Variants in DPY19L2 observed in about 807,000 individuals in gnomAD.
The protein encoded by DPY19L2 is probable C-mannosyltransferase DPY19L2.
In DPY19L2, 34 loss-of-function variants were observed where a neutral mutation model predicts 97.9. That is an observed-to-expected ratio of 0.35 (90% CI 0.26 to 0.46). DPY19L2 has a LOEUF of 0.46. Ranked by LOEUF, DPY19L2 falls within the 20% of genes least tolerant of loss-of-function variation. DPY19L2 has a pLI of 1.00. For missense variants in DPY19L2, 623 were observed against 911.4 expected, an observed-to-expected ratio of 0.68 and a Z score of 4.07; for synonymous variants, 230 against 307.9, an observed-to-expected ratio of 0.75 and a Z score of 2.65.
rs1876035200 is a variant in DPY19L2 at position 63,559,096 on chromosome 12, CTT to C, written c.*1414_*1415del. 6.6e-6 allele frequency: 1 copy of C among 152,130 alleles called. No homozygotes were observed. The highest frequency in any genetic ancestry group is 2.4e-5 in the African/African-American group (1 of 41,418). 9.4% of individuals were successfully genotyped at this position (152,130 alleles called of 1,614,324 possible). On this transcript the variant is annotated 3_prime_UTR_variant, in exon 22 of 22. Coordinates refer to ENST00000324472, the MANE Select transcript of DPY19L2 (RefSeq NM_173812.5). Reference sequence around the variant, plus strand: ...TTTATGAATGTTAGGTGTTATGTCTCTTTTCTTTGACGCTCTCCTTTTTTATC... The same window carrying C: ...TTTATGAATGTTAGGTGTTATGTCTCTTCTTTGACGCTCTCCTTTTTTATC...
chr12:63,587,019 G>GA (rs147336698), intron 16 of DPY19L2, among the ~76,000 whole-genome samples: 3,331 of 151,788 alleles, frequency 0.022, 77 homozygotes, highest in African/African-American at 0.057. Flanking sequence ...AATTTGAATA[G>GA]AAAAAATCTA....
At chr12:63,632,942 T>C (rs1160589382) in intron 6 of DPY19L2, among the ~76,000 whole-genome samples, 1 of 151,980 alleles carries the variant, frequency 6.6e-6, no homozygotes, top group Non-Finnish European at 1.5e-5. Flanking sequence ...TTTGACAAAC[T>C]TGACAAAAAC....
At chr12:63,568,700 C>T (rs1280757811) in intron 21 of DPY19L2, among the ~76,000 whole-genome samples, 1 of 151,902 alleles carries the variant, frequency 6.6e-6, no homozygotes, top group Non-Finnish European at 1.5e-5. Context: ...CAGCTAATAT[C>T]TGTGCTTAGG....
chr12:63,568,994 T>A (rs1312386101), intron 21 of DPY19L2, among the ~76,000 whole-genome samples: 1 of 152,012 alleles, frequency 6.6e-6, no homozygotes, highest in Non-Finnish European at 1.5e-5. Flanking sequence ...TGGAAGATGT[T>A]AAATTGAAAA....
At chr12:63,628,790 G>A (rs1017874378) in intron 6 of DPY19L2, among the ~76,000 whole-genome samples, 80 of 151,224 alleles carry the variant, frequency 5.3e-4, no homozygotes, top group African/African-American at 1.2e-3. Flanking sequence ...CCTGACCTCC[G>A]AGTAGCATAA....
intron 3 of DPY19L2, among the ~76,000 whole-genome samples, chr12:63,662,841 A>ATATAAACTT (rs1895859685): frequency 6.6e-6 from 1 of 152,162 alleles, no homozygotes; most frequent in African/African-American, 2.4e-5. Context: ...TATAGGGGCA[A>ATATAAACTT]TATAGGGATG....
At chr12:63,573,798 G>GA (rs1322016324) in intron 19 of DPY19L2, among the ~76,000 whole-genome samples, 5 of 151,988 alleles carry the variant, frequency 3.3e-5, no homozygotes, top group African/African-American at 9.7e-5. Flanking sequence ...TAAAGTGAAG[G>GA]AAAAAACCTT....
At chr12:63,614,498 AT>A (rs1887539932) in intron 11 of DPY19L2, among the ~76,000 whole-genome samples, 1 of 152,182 alleles carries the variant, frequency 6.6e-6, no homozygotes, top group Admixed American at 6.5e-5. Context: ...AGTAAAAAAA[AT>A]AAAATGGGTG....
At chr12:63,661,643 G>A (rs924040736) in intron 3 of DPY19L2, among the ~76,000 whole-genome samples, 162 bp from the exon 4 acceptor site, 8 of 150,232 alleles carry the variant, frequency 5.3e-5, no homozygotes, top group Admixed American at 4.0e-4. Context: ...TAAAGAACAC[G>A]TATTTTCAGG....
intron 11 of DPY19L2, among the ~76,000 whole-genome samples, chr12:63,615,049 T>C (rs1464216621): frequency 6.6e-6 from 1 of 152,076 alleles, no homozygotes; most frequent in East Asian, 1.9e-4. Flanking sequence ...ACCACGAGTG[T>C]CATGTCAGAG....
chr12:63,667,094 A>G (rs1592790882), intron 1 of DPY19L2, among the ~76,000 whole-genome samples: 2 of 152,126 alleles, frequency 1.3e-5, no homozygotes, highest in Non-Finnish European at 2.9e-5. Flanking sequence ...AGTATGGCCC[A>G]TGGTGCATTT....
Position 63,597,789 on chromosome 12 carries a change from GA to G in DPY19L2, c.1461+19del. Reference sequence around the variant, plus strand: ...CAAAAAACTCATATTAGTAGAGAAGGAAAAAAGAAACATTCATACCGCTTTT... The same window carrying G: ...CAAAAAACTCATATTAGTAGAGAAGGAAAAAGAAACATTCATACCGCTTTT... On this transcript the variant is annotated intron_variant, in intron 14 of 21. Transcript: ENST00000324472. 1 of 1,591,878 alleles carries G rather than the reference GA, an allele frequency of 6.3e-7. No individual in the cohort carries two copies.
chr12:63,618,279 C>T, intron 9 of DPY19L2, 51 bp from the exon 10 acceptor site: 2 of 747,446 alleles, frequency 2.7e-6, no homozygotes, highest in Non-Finnish European at 4.2e-6. Context: ...AAAACTAACA[C>T]TTTACTATTC....
intron 11 of DPY19L2, among the ~76,000 whole-genome samples, chr12:63,614,676 G>A (rs1887568531): frequency 6.6e-6 from 1 of 151,896 alleles, no homozygotes; most frequent in Non-Finnish European, 1.5e-5. Flanking sequence ...AGCAAATACA[G>A]GATAGAAAGA....
chr12:63,659,666 G>A (rs1015867459), intron 4 of DPY19L2, among the ~76,000 whole-genome samples: 1 of 152,104 alleles, frequency 6.6e-6, no homozygotes, highest in African/African-American at 2.4e-5. Context: ...CACATATAAT[G>A]TGGTCAATCA....
chr12:63,632,277 C>G (rs1275252310), intron 6 of DPY19L2, among the ~76,000 whole-genome samples: 1 of 152,112 alleles, frequency 6.6e-6, no homozygotes, highest in Non-Finnish European at 1.5e-5. Context: ...GTCAAATTGT[C>G]CCTGTTTGCA....
chr12:63,594,463 T>TTGTGTGTGTGTG (rs770320993), intron 15 of DPY19L2, among the ~76,000 whole-genome samples: 167 of 71,226 alleles, frequency 2.3e-3, no homozygotes, highest in African/African-American at 8.7e-3. Flanking sequence ...GAGAGAGAGA[T>TTGTGTGTGTGTG]AGTGTGTGTG....
At chr12:63,596,429 A>C (rs1341491466) in intron 14 of DPY19L2, among the ~76,000 whole-genome samples, 1 of 152,152 alleles carries the variant, frequency 6.6e-6, no homozygotes, top group Non-Finnish European at 1.5e-5. Flanking sequence ...GCTAACAAGA[A>C]AGAACGCTAA....
chr12:63,632,153 A>G (rs1890806412), intron 6 of DPY19L2, among the ~76,000 whole-genome samples: 1 of 152,186 alleles, frequency 6.6e-6, no homozygotes, highest in Non-Finnish European at 1.5e-5. Context: ...GAAAACTGGC[A>G]CAAGACAGGG....
Sources: gnomAD v4.1 joint callset for allele counts (sites outside exome capture counted in the v4.1 genomes callset) on GRCh38, gnomAD v4.1.1 for gene constraint, MANE v1.5 for transcripts, NCBI Gene and HGNC (gene_info 2026-07-23, HGNC 2026-07-21) for gene names.